XRN2: variants seen among roughly 807,000 people sequenced by gnomAD.
XRN2 encodes the protein DHM1-like protein.
In XRN2, 44 loss-of-function variants were observed where a neutral mutation model predicts 138.5. The ratio of observed to expected loss-of-function variants is 0.32; its 90% CI spans 0.25 to 0.41. The LOEUF (loss-of-function observed/expected upper bound fraction) is 0.41, where lower values mean the gene tolerates loss of function less well. Among genes scored for constraint, XRN2 ranks in the 10% least tolerant of loss-of-function variants. XRN2 has a pLI of 1.00. For synonymous variants in XRN2, 354 were observed against 369.4 expected (o/e 0.96, Z 0.48); for missense variants, 937 against 1,169.3 (o/e 0.80, Z 2.90).
At chr20:21,329,336 T>C (rs911884347) in intron 4 of XRN2, among the ~76,000 whole-genome samples, 1 of 152,148 alleles carries the variant, frequency 6.6e-6, no homozygotes, top group African/African-American at 2.4e-5. Flanking sequence ...TTGATGCCAG[T>C]TGGGACTGGT....
At chr20:21,330,069 G>A (rs891519277) in intron 4 of XRN2, among the ~76,000 whole-genome samples, 26 of 152,098 alleles carry the variant, frequency 1.7e-4, no homozygotes, top group Admixed American at 5.2e-4. Context: ...GATGACTGGA[G>A]GTCAGGAGTT....
At chr20:21,377,831 T>G (rs1414503396) in intron 27 of XRN2, among the ~76,000 whole-genome samples, 1 of 152,180 alleles carries the variant, frequency 6.6e-6, no homozygotes, top group Non-Finnish European at 1.5e-5. Context: ...TTGCTTCCTC[T>G]GGCTATGAGG....
rs1215542052 is a variant in XRN2 at position 21,344,175 on chromosome 20, G to C, written c.1496G>C (p.Ser499Thr). 1.9e-6 allele frequency: 3 copies of C among 1,613,336 alleles called. No homozygotes were observed. The Admixed American group carries it at 5.0e-5, about 27-fold the overall frequency. The change falls in exon 16 of 30, where the codon AGT becomes ACT. Residue 499 changes from serine (S) to threonine (T), a missense_variant. Physicochemically the swap from Ser to Thr is moderately conservative, Grantham distance 58. Transcript: ENST00000377191. ...LGGIKRKAED[S>T]DSEPEPEDNV... is the part of the protein sequence containing the mutation. ...GGAATTAAGCGAAAAGCAGAAGACA[G>C]TGACAGTGAACCTGAGCCAGAGGAT...
intron 27 of XRN2, among the ~76,000 whole-genome samples, chr20:21,368,988 A>C (rs1209445498): frequency 1.3e-5 from 2 of 152,152 alleles, no homozygotes; most frequent in Non-Finnish European, 2.9e-5. Flanking sequence ...TGTGCTATCA[A>C]ATACTAGATC....
rs763844044 is a variant in XRN2, at chr20:21,348,422, A to C, written c.1855A>C (p.Ser619Arg). The change falls in exon 19 of 30, where the codon AGT (serine) becomes CGT (arginine). Residue 619 changes from serine to arginine, a missense_variant. Ser to Arg is a moderately radical substitution (Grantham distance 110). This residue lies in a region of XRN2 where 372 missense variants were observed against 414.4 expected (regional missense o/e 0.90). Coordinates refer to ENST00000377191, the MANE Select transcript of XRN2 (RefSeq NM_012255.5). ...FLPPSWRKLM[S>R]DPDSSIIDFY... is the part of the protein sequence containing the mutation. ...ACCTCCATCATGGCGGAAGCTCATG[A>C]GTGATCCTGTGAGTCTCAGTATTTT... The C allele has an allele frequency of 4.3e-6, 7 of 1,613,938 alleles. No individual in the cohort carries two copies. Among genetic ancestry groups the C allele is most frequent in the Non-Finnish European group, 5.9e-6 (7 of 1,179,886 alleles).
Position 21,316,515 on chromosome 20 carries a change from TAG to T in XRN2, c.76-9763_76-9762del, listed in dbSNP as rs982528547. ...GCTTCACTTTCTTGCATTGGCTATC[TAG>T]TTGTCCTACACCATTTGTTGAAGAC... On this transcript the variant is annotated intron_variant, in intron 1 of 29. Coordinates refer to ENST00000377191, the MANE Select transcript of XRN2 (RefSeq NM_012255.5). Among the ~76,000 whole-genome samples, 17 of 152,324 alleles carry T rather than the reference TAG, an allele frequency of 1.1e-4. 1 individual carries two copies. The highest frequency in any genetic ancestry group is 3.8e-4 in the African/African-American group (16 of 41,578).
At chr20:21,335,981 A>G (rs766587315) in intron 13 of XRN2, among the ~76,000 whole-genome samples, 1 of 152,178 alleles carries the variant, frequency 6.6e-6, no homozygotes, top group Non-Finnish European at 1.5e-5. Context: ...AAGTTTCCAG[A>G]TATATGTATT....
At chr20:21,378,387 A>T (rs1239999962) in intron 27 of XRN2, among the ~76,000 whole-genome samples, 1 of 152,216 alleles carries the variant, frequency 6.6e-6, no homozygotes, top group Non-Finnish European at 1.5e-5. Flanking sequence ...TGCCATCTCA[A>T]CCGACAGCAT....
intron 6 of XRN2, among the ~76,000 whole-genome samples, chr20:21,331,289 C>G (rs2038203393): frequency 6.6e-6 from 1 of 151,948 alleles, no homozygotes; most frequent in African/African-American, 2.4e-5. Context: ...ACATTTCATT[C>G]CTTTCCATTA....
chr20:21,370,168 A>T (rs1177882925), intron 27 of XRN2, among the ~76,000 whole-genome samples: 1 of 152,016 alleles, frequency 6.6e-6, no homozygotes, highest in African/African-American at 2.4e-5. Context: ...TTCACTGTAG[A>T]TGTATGGATT....
At chr20:21,331,915 T>C in intron 8 of XRN2, 97 bp downstream of exon 8, 1 of 1,345,968 alleles carries the variant, frequency 7.4e-7, no homozygotes, top group Non-Finnish European at 1.0e-6. Flanking sequence ...TACCTGGAAG[T>C]TCCAAAATGC....
chr20:21,353,080 G>C (rs1420560643), intron 20 of XRN2, among the ~76,000 whole-genome samples: 1 of 149,988 alleles, frequency 6.7e-6, no homozygotes, highest in African/African-American at 2.5e-5. Flanking sequence ...ATTGGATTTA[G>C]CTTCTGGAAT....
chr20:21,328,457 T>C lies in XRN2; in HGVS notation c.316-102T>C, dbSNP rs1234390342. 3.6e-6 allele frequency: 4 copies of C among 1,106,592 alleles called. No individual in the cohort carries two copies. The African/African-American group carries it at 4.7e-5, about 13-fold the overall frequency. The allele number at this position is 1,106,592 out of a possible 1,614,324, so 68.5% of individuals were successfully genotyped here. On this transcript the variant is annotated intron_variant, in intron 3 of 29. Coordinates refer to ENST00000377191, the MANE Select transcript of XRN2 (RefSeq NM_012255.5). ...AGACACATTACTTACCTTTCTTCCA[T>C]TTTAGTGTACTGCTTTTATAAGAAC...
intron 1 of XRN2, among the ~76,000 whole-genome samples, 172 bp from the exon 2 acceptor site, chr20:21,326,107 A>C (rs1422397169): frequency 6.6e-6 from 1 of 152,228 alleles, no homozygotes; most frequent in Non-Finnish European, 1.5e-5. Context: ...TCTACAGATA[A>C]AATATCTGCT....
chr20:21,351,004 G>C (rs781281144), intron 20 of XRN2, among the ~76,000 whole-genome samples: 5 of 152,178 alleles, frequency 3.3e-5, no homozygotes, highest in Non-Finnish European at 7.3e-5. Context: ...GCATGGGACA[G>C]TGAGGGATGT....
intron 1 of XRN2, among the ~76,000 whole-genome samples, chr20:21,325,932 TA>T (rs1202328649): frequency 2.0e-5 from 3 of 152,150 alleles, no homozygotes; most frequent in Non-Finnish European, 4.4e-5. Flanking sequence ...ATGAAGTAGG[TA>T]AGCATTTTTT....
At chr20:21,381,721 C>T (rs866827874) in intron 27 of XRN2, among the ~76,000 whole-genome samples, 5 of 134,122 alleles carry the variant, frequency 3.7e-5, no homozygotes, top group Non-Finnish European at 6.1e-5. Flanking sequence ...CATACACACA[C>T]ACACACACAC....
intron 13 of XRN2, among the ~76,000 whole-genome samples, chr20:21,336,459 T>A (rs370205171): frequency 1.3e-5 from 2 of 152,230 alleles, no homozygotes; most frequent in East Asian, 3.9e-4. Flanking sequence ...AAGTCTCTTG[T>A]CTCCAAAGAA....
At chr20:21,353,301 A>T (rs544626589) in intron 20 of XRN2, among the ~76,000 whole-genome samples, 61 of 144,954 alleles carry the variant, frequency 4.2e-4, no homozygotes, top group African/African-American at 1.5e-3. Flanking sequence ...AAGCTAGATG[A>T]TGCTGTAGTT....
Sources: gnomAD v4.1 joint callset for allele counts (sites outside exome capture counted in the v4.1 genomes callset) on GRCh38, gnomAD v4.1.1 for gene constraint, gnomAD v4.1.1 regional missense constraint, MANE v1.5 for transcripts, NCBI Gene and HGNC (gene_info 2026-07-23, HGNC 2026-07-21) for gene names.